The following MYH11 variants were observed in gnomAD, a reference collection of about 807,000 sequenced individuals.
The protein encoded by MYH11 is myosin heavy chain 11.
A neutral mutation model predicts 246.6 loss-of-function variants in MYH11; 80 were observed. The observed-to-expected ratio is 0.32, with a 90% CI of 0.27 to 0.39. The LOEUF is 0.39. Among genes scored for constraint, MYH11 ranks in the 10% least tolerant of loss-of-function variants. The probability of loss-of-function intolerance (pLI) is 1.00; values close to 1 mark genes in which losing one functional copy is unlikely to be tolerated. For missense variants in MYH11, 2,158 were observed against 2,546.8 expected, an observed-to-expected ratio of 0.85 and a Z score of 3.29; for synonymous variants, 1,071 against 1,015.5, an observed-to-expected ratio of 1.05 and a Z score of -1.04.
chr16:15,735,247 G>T (rs1336028625), intron 26 of MYH11, 119 bp downstream of exon 26: 1 of 1,102,526 alleles, frequency 9.1e-7, no homozygotes, highest in Non-Finnish European at 1.4e-6. Flanking sequence ...GCAAACCGCG[G>T]CCAGGAAGGT....
chr16:15,704,095 A>G lies in MYH11; in HGVS notation c.5815T>C (p.Ser1939Pro), dbSNP rs1334252862. 1.9e-6 allele frequency: 3 copies of G among 1,613,998 alleles called. No individual in the cohort carries two copies. The highest frequency in any genetic ancestry group is 2.5e-6 in the Non-Finnish European group (3 of 1,180,026). The change falls in exon 41 of 41, where the codon TCT becomes CCT. Residue 1939 changes from serine (S) to proline (P), a missense_variant. Transcript: ENST00000300036. ...RRGNETSFVP[S>P]RRSGGRRVIE... The stretch of plus-strand genomic sequence containing the variant: ...ACTCTACGTCCTCCAGACCTTCTAG[A>G]AGGAACGAAAGAGGTCTCGTTTCCT...
At chr16:15,787,321 TGG>T (rs2042494089) in intron 4 of MYH11, among the ~76,000 whole-genome samples, 1 of 152,056 alleles carries the variant, frequency 6.6e-6, no homozygotes, top group South Asian at 2.1e-4. Flanking sequence ...GGTGGGAGGA[TGG>T]CTTGAGCCCA....
At chr16:15,843,346 G>A (rs1007339369) in intron 1 of MYH11, among the ~76,000 whole-genome samples, 1 of 151,384 alleles carries the variant, frequency 6.6e-6, no homozygotes, top group Non-Finnish European at 1.5e-5. Flanking sequence ...ACTCCAGCCT[G>A]GACAACAGAG....
At position 15,763,945 on chromosome 16, in the gene MYH11, C is replaced by G. The variant is rs900479964; in HGVS notation, c.1034-54G>C. ...ACACAAAGGTCAATGCCAAGGTACC[C>G]TGGAGTTTTGGAGCCTAAAGCCACT... is the stretch of plus-strand genomic sequence containing the variant. On this transcript the variant is annotated intron_variant, in intron 9 of 40. Transcript: ENST00000300036. 10 of 1,490,416 alleles carry G rather than the reference C, an allele frequency of 6.7e-6. No homozygotes were observed. The African/African-American group carries it at 9.7e-5, about 14-fold the overall frequency. 92.3% of individuals were successfully genotyped at this position (1,490,416 alleles called of 1,614,324 possible). A position where few individuals can be genotyped will look rare whatever the true frequency, so the allele number is the denominator to read the frequency against.
chr16:15,816,733 C>T (rs1001496135), intron 3 of MYH11, among the ~76,000 whole-genome samples: 14 of 145,244 alleles, frequency 9.6e-5, no homozygotes, highest in Non-Finnish European at 1.3e-4. Context: ...AAATTGAAAA[C>T]AAAATTAAGA....
In MYH11 at chr16:15,717,192, C is replaced by A. The variant is rs1321897124; in HGVS notation, c.5452G>T (p.Ala1818Ser). The change falls in exon 38 of 41, where the codon GCG becomes TCG. Residue 1818 changes from alanine (A) to serine (S), a missense_variant. Coordinates refer to ENST00000300036, the MANE Select transcript of MYH11 (RefSeq NM_002474.3). ...VKSKFKSTIA[A>S]LEAKIAQLEE... ...AGCTGTGCAATCTTGGCCTCCAGCG[C>A]CGCGATGGTGGACTTGAACTTGGAC... The A allele has an allele frequency of 6.2e-7, 1 of 1,614,208 alleles. No homozygotes were observed. Among genetic ancestry groups the A allele is most frequent in the Non-Finnish European group, 8.5e-7 (1 of 1,180,038 alleles).
chr16:15,705,946 C>T (rs2039424456), intron 40 of MYH11, among the ~76,000 whole-genome samples: 1 of 130,340 alleles, frequency 7.7e-6, no homozygotes, highest in Non-Finnish European at 1.5e-5. Context: ...GATGTGGCCA[C>T]TGCACTCCAG....
In MYH11 at chr16:15,786,746, G is replaced by A; in HGVS notation, c.531-14C>T. Reference sequence around the variant, plus strand: ...CCAGACTCGCCTCTGAAAGACACGGGAACATCATCTATGCACACGTTCCAT... The same window carrying A: ...CCAGACTCGCCTCTGAAAGACACGGAAACATCATCTATGCACACGTTCCAT... On this transcript the variant is annotated splice_polypyrimidine_tract_variant and intron_variant, in intron 4 of 40. Transcript: ENST00000300036. 1.2e-6 allele frequency: 2 copies of A among 1,610,472 alleles called. No individual in the cohort carries two copies. The highest frequency in any genetic ancestry group is 1.7e-6 in the Non-Finnish European group (2 of 1,177,176).
intron 33 of MYH11, 75 bp from the exon 34 acceptor site, chr16:15,720,387 A>G (rs1379017839): frequency 6.5e-7 from 1 of 1,539,652 alleles, no homozygotes; most frequent in Non-Finnish European, 8.8e-7. Context: ...GCAGCACATC[A>G]CTGCACCCCT....
At chr16:15,729,404 C>G (rs1031541338) in intron 27 of MYH11, among the ~76,000 whole-genome samples, 1 of 152,126 alleles carries the variant, frequency 6.6e-6, no homozygotes, top group Admixed American at 6.5e-5. Flanking sequence ...ATGGACATGC[C>G]GTCTGCTGGT....
intron 31 of MYH11, among the ~76,000 whole-genome samples, chr16:15,723,492 C>T (rs2040589847): frequency 6.6e-6 from 1 of 151,962 alleles, no homozygotes; most frequent in South Asian, 2.1e-4. Context: ...ACTAAAAATA[C>T]AAAAATTAGC....
rs188298124 is a variant in MYH11 at position 15,776,188 on chromosome 16, G to A, written c.791-12C>T. 16 of 1,594,588 alleles carry A rather than the reference G, an allele frequency of 1.0e-5. No homozygotes were observed. The East Asian group carries it at 2.7e-4, about 27-fold the overall frequency. On this transcript the variant is annotated splice_polypyrimidine_tract_variant and intron_variant, in intron 7 of 40. Transcript: ENST00000300036. ...TTTTTCTAGCAGATCTGGTTTGGAGGGAGTTAGGGATTCTGGGGATACTGC... is the reference window on the plus strand; with the variant it reads ...TTTTTCTAGCAGATCTGGTTTGGAGAGAGTTAGGGATTCTGGGGATACTGC...
At chr16:15,810,554 C>T (rs941282162) in intron 3 of MYH11, among the ~76,000 whole-genome samples, 1 of 152,168 alleles carries the variant, frequency 6.6e-6, no homozygotes, top group Admixed American at 6.5e-5. Flanking sequence ...CCCAACCGGG[C>T]CAGACACATA....
At chr16:15,782,732 C>A in intron 5 of MYH11, 1 of 485,576 alleles carries the variant, frequency 2.1e-6, no homozygotes, top group South Asian at 2.1e-5. Context: ...GCCTGCTCAT[C>A]TGTGCAACAT....
chr16:15,760,612 G>A lies in MYH11; in HGVS notation c.1176C>T (p.Phe392=), dbSNP rs1269419782. The A allele has an allele frequency of 1.9e-6, 3 of 1,614,068 alleles. No homozygotes were observed. Among genetic ancestry groups the A allele is most frequent in the East Asian group, 4.5e-5 (2 of 44,904 alleles). The change falls in exon 11 of 41, where the codon TTC becomes TTT. Residue 392 remains phenylalanine, a synonymous_variant. Transcript: ENST00000300036. ...TACGAGGAGTGAGGATGGATCTGGT[G>A]AAATCTGTCACATTAATTCCCATGA... ...CHLMGINVTD[F]TRSILTPRIK... is the part of the protein sequence containing the mutation.
In MYH11 at chr16:15,838,038, C is replaced by T; in HGVS notation, c.215G>A (p.Gly72Glu). 3.1e-6 allele frequency: 5 copies of T among 1,614,108 alleles called. No individual in the cohort carries two copies. The highest frequency in any genetic ancestry group is 4.2e-6 in the Non-Finnish European group (5 of 1,180,028). The stretch of plus-strand genomic sequence containing the variant: ...GTTCATCTTCTGGATGTCATCTTTC[C>T]CAACCGTGACCTTCTTGCCATTCTC... The part of the protein sequence containing the change: ...LVENGKKVTV[G>E]KDDIQKMNPP... The change falls in exon 2 of 41, where the codon GGG becomes GAG. Residue 72 changes from glycine (G) to glutamate (E), a missense_variant. Gly to Glu is a moderately conservative substitution (Grantham distance 98). This residue lies in a region of MYH11 where 96 missense variants were observed against 91.9 expected (regional missense o/e 1.04). Transcript: ENST00000300036.
At chr16:15,744,257 C>A (rs903691510) in intron 20 of MYH11, among the ~76,000 whole-genome samples, 3 of 151,676 alleles carry the variant, frequency 2.0e-5, no homozygotes, top group African/African-American at 7.3e-5. Flanking sequence ...TACAGTGGCG[C>A]GATCTCAGCT....
intron 2 of MYH11, among the ~76,000 whole-genome samples, chr16:15,824,316 C>T (rs1046069239): frequency 6.6e-5 from 10 of 151,062 alleles, no homozygotes; most frequent in Non-Finnish European, 1.3e-4. Flanking sequence ...CTTGCTCTGT[C>T]GCCCAGGCTG....
chr16:15,741,432 C>A, intron 22 of MYH11, 31 bp downstream of exon 22: 1 of 1,602,686 alleles, frequency 6.2e-7, no homozygotes, highest in Non-Finnish European at 8.5e-7. Flanking sequence ...TGATTTGCTA[C>A]CCACCACGGG....
Sources: gnomAD v4.1 joint callset for allele counts (sites outside exome capture counted in the v4.1 genomes callset) on GRCh38, gnomAD v4.1.1 for gene constraint, gnomAD v4.1.1 regional missense constraint, MANE v1.5 for transcripts, NCBI Gene and HGNC (gene_info 2026-07-23, HGNC 2026-07-21) for gene names.